The following MOB4 variants were observed in gnomAD, a reference collection of about 807,000 sequenced individuals.
MOB4 encodes MOB family member 4, phocein.
MOB4 carries 4 observed loss-of-function variants against 32.2 expected under a neutral mutation model. The ratio of observed to expected loss-of-function variants is 0.12; its 90% CI spans 0.06 to 0.28. The LOEUF (loss-of-function observed/expected upper bound fraction) is 0.28. Ranked by LOEUF, MOB4 falls within the 10% of genes least tolerant of loss-of-function variation. The probability of loss-of-function intolerance (pLI) is 1.00; values close to 1 mark genes in which losing one functional copy is unlikely to be tolerated. For missense variants in MOB4, 158 were observed against 271.2 expected (o/e 0.58, Z 2.93); for synonymous variants, 88 against 88.1 (o/e 1.00, Z 0.01).
intron 2 of MOB4, among the ~76,000 whole-genome samples, chr2:197,528,189 T>A (rs2086640211): frequency 6.6e-6 from 1 of 152,206 alleles, no homozygotes; most frequent in African/African-American, 2.4e-5. Context: ...GACCTACCGT[T>A]TTATTACTTT....
At chr2:197,528,639 G>A (rs1442033435) in intron 2 of MOB4, among the ~76,000 whole-genome samples, 12 of 136,852 alleles carry the variant, frequency 8.8e-5, no homozygotes, top group African/African-American at 2.6e-4. Context: ...TTTTTGAGAC[G>A]GAGTCTCACA....
Position 197,553,605 on chromosome 2 carries a change from CTTTAT to C in MOB4, c.*2963_*2967del, listed in dbSNP as rs766546723. 7.2e-5 allele frequency: 11 copies of C among 152,110 alleles called. No homozygotes were observed. The highest frequency in any genetic ancestry group is 1.3e-4 in the Non-Finnish European group (9 of 68,010). 9.4% of individuals were successfully genotyped at this position (152,110 alleles called of 1,614,324 possible). On this transcript the variant is annotated 3_prime_UTR_variant, in exon 8 of 8. Coordinates refer to ENST00000323303, the MANE Select transcript of MOB4 (RefSeq NM_015387.5). ...GCAGCTAAATTTTAAATTGTATATACTTTATTTTGTGAATCCTTGTTGAATGTGCT... is the reference window on the plus strand; with the variant it reads ...GCAGCTAAATTTTAAATTGTATATACTTTGTGAATCCTTGTTGAATGTGCT...
chr2:197,521,201 A>G (rs1187127925), intron 1 of MOB4, among the ~76,000 whole-genome samples: 1 of 152,158 alleles, frequency 6.6e-6, no homozygotes, highest in Non-Finnish European at 1.5e-5. Context: ...AGAGTACAAA[A>G]GAGAGAAATT....
chr2:197,528,616 C>G (rs9712311), intron 2 of MOB4, among the ~76,000 whole-genome samples: 3 of 131,692 alleles, frequency 2.3e-5, no homozygotes, highest in Non-Finnish European at 4.9e-5. Flanking sequence ...TTTTCTTTTT[C>G]TTTTTTTTTT....
chr2:197,516,349 C>T (rs2086410939), intron 1 of MOB4: 10 of 1,424,716 alleles, frequency 7.0e-6, no homozygotes, highest in South Asian at 1.5e-5. Flanking sequence ...GGAGCTCCGA[C>T]CCAGGGGTAG....
chr2:197,549,345 C>T (rs1402510635), intron 6 of MOB4, among the ~76,000 whole-genome samples: 2 of 151,960 alleles, frequency 1.3e-5, no homozygotes, highest in Admixed American at 6.6e-5. Context: ...TTTGTGACTG[C>T]CTTTTATTTT....
chr2:197,523,311 C>T (rs370842176), intron 1 of MOB4, among the ~76,000 whole-genome samples: 10 of 152,170 alleles, frequency 6.6e-5, no homozygotes, highest in African/African-American at 2.4e-4. Context: ...CAGCCAGGCG[C>T]AGTGGGTCAG....
intron 6 of MOB4, among the ~76,000 whole-genome samples, chr2:197,548,941 CTT>C (rs2087046325): frequency 6.6e-6 from 1 of 152,096 alleles, no homozygotes; most frequent in Admixed American, 6.6e-5. Context: ...AAAGAGCAGA[CTT>C]TCTGGCTGGG....
At chr2:197,527,451 G>A (rs957793744) in intron 2 of MOB4, among the ~76,000 whole-genome samples, 1 of 152,114 alleles carries the variant, frequency 6.6e-6, no homozygotes, top group African/African-American at 2.4e-5. Context: ...ATTCTTACAG[G>A]TATATAGAAA....
At chr2:197,547,062 A>G (rs191301719) in intron 5 of MOB4, among the ~76,000 whole-genome samples, 1 of 150,564 alleles carries the variant, frequency 6.6e-6, no homozygotes, top group Admixed American at 6.6e-5. Context: ...CCTGGTCAAC[A>G]TAGTGAGACC....
chr2:197,540,767 TAGGA>T (rs1265272694), intron 5 of MOB4, among the ~76,000 whole-genome samples: 1 of 152,234 alleles, frequency 6.6e-6, no homozygotes, highest in Non-Finnish European at 1.5e-5. Context: ...TTTCTTTTGA[TAGGA>T]AGAACTATTG....
At chr2:197,544,949 G>A (rs1320567726) in intron 5 of MOB4, among the ~76,000 whole-genome samples, 1 of 152,116 alleles carries the variant, frequency 6.6e-6, no homozygotes, top group Non-Finnish European at 1.5e-5. Flanking sequence ...CATTGATGAT[G>A]GGATTGTAAA....
intron 1 of MOB4, chr2:197,516,395 G>C: frequency 1.1e-5 from 16 of 1,399,536 alleles, no homozygotes; most frequent in Non-Finnish European, 1.3e-5. Context: ...GGTGGTACCT[G>C]CCTGCCGAAG....
chr2:197,525,019 CTGTT>C (rs2086584847), intron 2 of MOB4, among the ~76,000 whole-genome samples: 1 of 152,050 alleles, frequency 6.6e-6, no homozygotes, highest in Non-Finnish European at 1.5e-5. Flanking sequence ...TAAATCGAGG[CTGTT>C]TGGCTTCATT....
At chr2:197,540,463 TAATAA>T (rs778537720) in intron 5 of MOB4, 26 bp downstream of exon 5, 1 of 1,540,538 alleles carries the variant, frequency 6.5e-7, no homozygotes, top group African/African-American at 1.4e-5. Flanking sequence ...ATAGAGTAAC[TAATAA>T]AATTATTATA....
upstream of MOB4, chr2:197,515,896 C>T (rs2086399571): frequency 1.7e-6 from 1 of 584,494 alleles, no homozygotes; most frequent in Non-Finnish European, 2.9e-6. Context: ...CGACGCCGTC[C>T]GGCTGTTCCT....
At chr2:197,530,578 T>G (rs987129465) in intron 2 of MOB4, among the ~76,000 whole-genome samples, 8 of 152,014 alleles carry the variant, frequency 5.3e-5, no homozygotes, top group Non-Finnish European at 8.8e-5. Flanking sequence ...TGGTTTCTGA[T>G]GAGAAAGAAT....
chr2:197,517,973 C>T (rs952710216), intron 1 of MOB4, among the ~76,000 whole-genome samples: 2 of 152,096 alleles, frequency 1.3e-5, no homozygotes, highest in African/African-American at 4.8e-5. Flanking sequence ...AACCCCGTCT[C>T]TACTAAAAAT....
At chr2:197,533,989 C>T in intron 2 of MOB4, 1 of 521,614 alleles carries the variant, frequency 1.9e-6, no homozygotes, top group East Asian at 4.7e-5. Flanking sequence ...TGAGATGGCA[C>T]ACATACTTAA....
Sources: gnomAD v4.1 joint callset for allele counts (sites outside exome capture counted in the v4.1 genomes callset) on GRCh38, gnomAD v4.1.1 for gene constraint, MANE v1.5 for transcripts, NCBI Gene and HGNC (gene_info 2026-07-23, HGNC 2026-07-21) for gene names.